The following MARK4 variants were observed in gnomAD, a reference collection of about 807,000 sequenced individuals.
MARK4 encodes microtubule affinity regulating kinase 4.
Under a neutral mutation model 81.5 loss-of-function variants are expected in MARK4, and 19 were observed. The ratio of observed to expected loss-of-function variants is 0.23; its 90% confidence interval spans 0.16 to 0.34. The LOEUF (loss-of-function observed/expected upper bound fraction) is 0.34, where lower values mean the gene tolerates loss of function less well. Among genes scored for constraint, MARK4 ranks in the 10% least tolerant of loss-of-function variants. The pLI, the probability that MARK4 is intolerant of heterozygous loss-of-function variation, is 1.00. For missense variants in MARK4, 772 were observed against 1,058.8 expected, an observed-to-expected ratio of 0.73 and a Z score of 3.76; for synonymous variants, 436 against 439.0, an observed-to-expected ratio of 0.99 and a Z score of 0.08.
In MARK4 at chr19:45,272,363, C is replaced by T. The variant is rs117151010; in HGVS notation, c.786+655C>T. Among the ~76,000 whole-genome samples, 187 of 152,104 alleles carry T rather than the reference C, an allele frequency of 1.2e-3. 2 individuals carry two copies. In the East Asian group the frequency reaches 0.03, roughly 24 times the overall value. On this transcript the variant is annotated intron_variant, in intron 8 of 16. Transcript: ENST00000262891. ...GAAATTAAAAAACAAACCCTGCCCTCGTATATGCTACGCTGTGGGTGAACC... is the reference window on the plus strand; with the variant it reads ...GAAATTAAAAAACAAACCCTGCCCTTGTATATGCTACGCTGTGGGTGAACC...
rs2123072140 is a variant in MARK4, at chr19:45,280,719, A to G, written c.1261A>G (p.Arg421Gly). 3.7e-6 allele frequency: 6 copies of G among 1,614,132 alleles called. No individual in the cohort carries two copies. Among genetic ancestry groups the G allele is most frequent in the Non-Finnish European group, 5.1e-6 (6 of 1,179,984 alleles). The change falls in exon 12 of 17, where the codon AGG becomes GGG. Residue 421 changes from arginine (R) to glycine (G), a missense_variant. By Grantham distance (125) the Arg-to-Gly change is moderately radical. Transcript: ENST00000262891. Reference sequence around the variant, plus strand: ...CTCTTCCACCTACCACCGCCAGCGCAGGCATAGCGATTTCTGTGAGTATCA... The same window carrying G: ...CTCTTCCACCTACCACCGCCAGCGCGGGCATAGCGATTTCTGTGAGTATCA... Reference protein sequence around the residue: ...SSSSTYHRQRRHSDFCGPSPA... With the variant: ...SSSSTYHRQRGHSDFCGPSPA...
chr19:45,302,570 G>A lies in MARK4; in HGVS notation c.2119G>A (p.Glu707Lys), dbSNP rs1970991678. 1.9e-6 allele frequency: 3 copies of A among 1,579,808 alleles called. No homozygotes were observed. Among genetic ancestry groups the A allele is most frequent in the Non-Finnish European group, 2.6e-6 (3 of 1,169,784 alleles). ...CCTGCACGGGGGTGCGGGCGGGCCC[G>A]AGCCCCTGTCCCACTTCGAAGTGGA... ...ACLHGGAGGP[E>K]PLSHFEVEVC... The change falls in exon 17 of 17, where the codon GAG becomes AAG. Residue 707 changes from glutamate (E) to lysine (K), a missense_variant. Around this residue, in one of 3 missense-constraint regions of MARK4, gnomAD observed 548 missense variants for 624.3 expected, o/e 0.88. Coordinates refer to ENST00000262891, the MANE Select transcript of MARK4 (RefSeq NM_001199867.2). This position sits in a 1 kb window ranked among gnomAD's most constrained non-coding sequence, Gnocchi z 4.9.
intron 1 of MARK4, among the ~76,000 whole-genome samples, chr19:45,253,534 G>A (rs1970270946): frequency 6.6e-6 from 1 of 152,226 alleles, no homozygotes; most frequent in Non-Finnish European, 1.5e-5. Context: ...CACCTAGGAA[G>A]CACTCCACAA....
intron 1 of MARK4, among the ~76,000 whole-genome samples, chr19:45,253,774 T>C (rs1299421259): frequency 6.6e-6 from 1 of 152,142 alleles, no homozygotes; most frequent in African/African-American, 2.4e-5. Context: ...TCGTGGCTGT[T>C]GTGGTTATTA....
rs551457939 is a variant in MARK4 at position 45,252,075 on chromosome 19, C to T, written c.51+436C>T. On this transcript the variant is annotated intron_variant, in intron 1 of 16. Transcript: ENST00000262891. Reference sequence around the variant, plus strand: ...AGCAGGGCCTGGCCCAGTCCTGCCTCTGGCTCCGGCCTTCCCTGTCTGGGG... The same window carrying T: ...AGCAGGGCCTGGCCCAGTCCTGCCTTTGGCTCCGGCCTTCCCTGTCTGGGG... Among the ~76,000 whole-genome samples the T allele has an allele frequency of 2.6e-5, 4 of 152,158 alleles. No homozygotes were observed. The East Asian group carries it at 5.9e-4, about 22-fold the overall frequency.
In MARK4 at chr19:45,294,463, G is replaced by C; in HGVS notation, c.1598+11G>C. ...TGGGAAAGAAAACAGGTACGGAGGG[G>C]GCAGCAACAGGGTGAGGGGTGGGAA... On this transcript the variant is annotated intron_variant, in intron 14 of 16. Coordinates refer to ENST00000262891, the MANE Select transcript of MARK4 (RefSeq NM_001199867.2). The C allele has an allele frequency of 5.0e-6, 8 of 1,611,734 alleles. No homozygotes were observed. The highest frequency in any genetic ancestry group is 6.8e-6 in the Non-Finnish European group (8 of 1,178,224).
At chr19:45,293,965 C>T (rs572033563) in intron 13 of MARK4, among the ~76,000 whole-genome samples, 1 of 152,298 alleles carries the variant, frequency 6.6e-6, no homozygotes, top group African/African-American at 2.4e-5. Context: ...AGCCAGTGCA[C>T]AGGCTAGTCA....
chr19:45,293,244 C>G (rs1970841708), intron 13 of MARK4, among the ~76,000 whole-genome samples: 1 of 151,892 alleles, frequency 6.6e-6, no homozygotes, highest in Non-Finnish European at 1.5e-5. Context: ...CCAGCCTGGG[C>G]AAAATGAGTG....
intron 1 of MARK4, 94 bp from the exon 2 acceptor site, chr19:45,258,894 AG>A: frequency 5.2e-6 from 7 of 1,342,508 alleles, no homozygotes; most frequent in Non-Finnish European, 7.1e-6. Context: ...AGGGCCACGG[AG>A]GGGCCGGTAG....
intron 1 of MARK4, among the ~76,000 whole-genome samples, chr19:45,256,189 G>A (rs1297455564): frequency 6.6e-6 from 1 of 152,224 alleles, no homozygotes; most frequent in East Asian, 1.9e-4. Context: ...TGTAATGCCA[G>A]CACTTTGGGA....
chr19:45,278,392 A>T, intron 9 of MARK4, 124 bp from the exon 10 acceptor site: 1 of 840,186 alleles, frequency 1.2e-6, no homozygotes. Context: ...AGGAGGCGCT[A>T]TCTCTTAGGA....
intron 1 of MARK4, among the ~76,000 whole-genome samples, chr19:45,256,696 AT>A (rs1246393804): frequency 6.6e-6 from 1 of 152,154 alleles, no homozygotes; most frequent in Non-Finnish European, 1.5e-5. Flanking sequence ...AGGGCAAAAT[AT>A]TGTAGAGTTG....
chr19:45,281,896 C>G (rs947518442), intron 12 of MARK4, among the ~76,000 whole-genome samples: 2 of 152,114 alleles, frequency 1.3e-5, no homozygotes, highest in African/African-American at 2.4e-5. Context: ...CTGCAACTGA[C>G]AGACATCTCA....
chr19:45,271,486 G>A lies in MARK4; in HGVS notation c.564G>A (p.Leu188=). ...TCTCCCTGCAGGCTGAGAACCTCTTGCTGGATGCCGAGGCCAACATCAAGA... is the reference window on the plus strand; with the variant it reads ...TCTCCCTGCAGGCTGAGAACCTCTTACTGGATGCCGAGGCCAACATCAAGA... The part of the protein sequence containing the change: ...VHRDLKAENL[L]LDAEANIKIA... Residue 188 remains leucine, a synonymous_variant, in exon 8 of 17, where the codon TTG becomes TTA. Coordinates refer to ENST00000262891, the MANE Select transcript of MARK4 (RefSeq NM_001199867.2). The surrounding 1 kb of genome is among the most constrained non-coding windows in gnomAD (Gnocchi z 4.1). The A allele has an allele frequency of 6.2e-7, 1 of 1,614,184 alleles. No individual in the cohort carries two copies. Among genetic ancestry groups the A allele is most frequent in the Non-Finnish European group, 8.5e-7 (1 of 1,180,024 alleles).
At chr19:45,266,093 G>A (rs1010612334) in intron 6 of MARK4, 132 bp from the exon 7 acceptor site, 7 of 870,678 alleles carry the variant, frequency 8.0e-6, no homozygotes, top group South Asian at 1.4e-5. Flanking sequence ...ACTGAATCAG[G>A]GTGTGAGGCC....
chr19:45,270,990 G>A (rs558926537), intron 7 of MARK4, among the ~76,000 whole-genome samples: 1 of 152,306 alleles, frequency 6.6e-6, no homozygotes, highest in East Asian at 1.9e-4. Context: ...GGCTGGTCTT[G>A]AACTCCCAAC....
Position 45,302,719 on chromosome 19 carries a change from G to A in MARK4, c.*9G>A, listed in dbSNP as rs1352215326. On this transcript the variant is annotated 3_prime_UTR_variant, in exon 17 of 17. Coordinates refer to ENST00000262891, the MANE Select transcript of MARK4 (RefSeq NM_001199867.2). The surrounding 1 kb of genome is among the most constrained non-coding windows in gnomAD (Gnocchi z 4.9). The stretch of plus-strand genomic sequence containing the variant: ...ACGACCTCGAGCTCTGAGCCACCAC[G>A]GTCCCAGGGCCCTTACTCTTCCTCT... 2 of 1,535,970 alleles carry A rather than the reference G, an allele frequency of 1.3e-6. No individual in the cohort carries two copies. Among genetic ancestry groups the A allele is most frequent in the South Asian group, 1.2e-5 (1 of 84,112 alleles).
chr19:45,272,072 C>T (rs892458213), intron 8 of MARK4, among the ~76,000 whole-genome samples: 2 of 152,198 alleles, frequency 1.3e-5, no homozygotes, highest in African/African-American at 4.8e-5. Flanking sequence ...TGGCTCATGC[C>T]TATAATCCCA....
chr19:45,269,905 G>A (rs1222417422), intron 7 of MARK4, among the ~76,000 whole-genome samples: 1 of 152,048 alleles, frequency 6.6e-6, no homozygotes, highest in Non-Finnish European at 1.5e-5. Flanking sequence ...CCAGGCTGGA[G>A]TACAGTGATG....
Sources: allele counts gnomAD v4.1 joint callset (sites outside exome capture counted in the v4.1 genomes callset), GRCh38; gene constraint gnomAD v4.1.1; regional missense constraint gnomAD v4.1.1; non-coding constraint Gnocchi (gnomAD v3.1); transcripts MANE v1.5; gene names NCBI Gene and HGNC (gene_info 2026-07-23, HGNC 2026-07-21).